XKR4: variants seen among roughly 807,000 people sequenced by gnomAD.
The protein encoded by XKR4 is XK-related protein 4.
XKR4 carries 12 observed loss-of-function variants against 53.9 expected under a neutral mutation model. The ratio of observed to expected loss-of-function variants is 0.22; its 90% CI spans 0.14 to 0.36. XKR4 has a LOEUF of 0.36. Among genes scored for constraint, XKR4 ranks in the 10% least tolerant of loss-of-function variants. The probability of loss-of-function intolerance (pLI) is 1.00; values close to 1 mark genes in which losing one functional copy is unlikely to be tolerated. For synonymous variants in XKR4, 354 were observed against 362.4 expected (o/e 0.98, Z 0.26); for missense variants, 799 against 859.5 (o/e 0.93, Z 0.88).
intron 1 of XKR4, among the ~76,000 whole-genome samples, chr8:55,146,869 C>G (rs1164774916): frequency 6.6e-6 from 1 of 152,202 alleles, no homozygotes; most frequent in Non-Finnish European, 1.5e-5. Flanking sequence ...TACAGATGCC[C>G]TTTGGGTAGG....
chr8:55,284,624 G>T (rs1436144535), intron 1 of XKR4, among the ~76,000 whole-genome samples: 1 of 152,172 alleles, frequency 6.6e-6, no homozygotes, highest in Non-Finnish European at 1.5e-5. Flanking sequence ...TTGAGAGAGA[G>T]AGAGCCCAAT....
intron 2 of XKR4, among the ~76,000 whole-genome samples, chr8:55,373,214 G>A (rs1195922506): frequency 4.6e-5 from 7 of 151,876 alleles, no homozygotes; most frequent in Admixed American, 2.6e-4. Flanking sequence ...TCGTCTAGTC[G>A]GGAGTACAGT....
At chr8:55,312,705 G>A (rs1318734973) in intron 1 of XKR4, among the ~76,000 whole-genome samples, 1 of 152,132 alleles carries the variant, frequency 6.6e-6, no homozygotes, top group East Asian at 1.9e-4. Context: ...CTCTTTTCAT[G>A]AATTTTATGA....
chr8:55,524,454 T>C lies in XKR4; in HGVS notation c.*227T>C, dbSNP rs1472683284. On this transcript the variant is annotated 3_prime_UTR_variant, in exon 3 of 3. Transcript: ENST00000327381. Reference sequence around the variant, plus strand: ...ACCTGAAAGAATGACGCTGGCTTAATAGGACTCTCCATTGCTACCAAACTC... The same window carrying C: ...ACCTGAAAGAATGACGCTGGCTTAACAGGACTCTCCATTGCTACCAAACTC... The C allele has an allele frequency of 8.8e-6, 5 of 569,962 alleles. No homozygotes were observed. Among genetic ancestry groups the C allele is most frequent in the African/African-American group, 1.9e-5 (1 of 53,494 alleles). The allele number at this position is 569,962 out of a possible 1,614,324, so 35.3% of individuals were successfully genotyped here.
At chr8:55,399,112 A>T (rs1804562287) in intron 2 of XKR4, among the ~76,000 whole-genome samples, 2 of 152,232 alleles carry the variant, frequency 1.3e-5, no homozygotes, top group Non-Finnish European at 2.9e-5. Flanking sequence ...TTTATCACAA[A>T]GAAAAAGATT....
At chr8:55,349,366 C>G (rs887219497) in intron 1 of XKR4, among the ~76,000 whole-genome samples, 1 of 152,152 alleles carries the variant, frequency 6.6e-6, no homozygotes, top group African/African-American at 2.4e-5. Context: ...ATAATGCAAG[C>G]TGGACAGATG....
At chr8:55,386,316 G>A (rs1161872689) in intron 2 of XKR4, among the ~76,000 whole-genome samples, 1 of 152,196 alleles carries the variant, frequency 6.6e-6, no homozygotes, top group Non-Finnish European at 1.5e-5. Context: ...GATGCAGCAA[G>A]CCTGAGAGTC....
At chr8:55,209,319 G>A (rs574369847) in intron 1 of XKR4, among the ~76,000 whole-genome samples, 4 of 152,030 alleles carry the variant, frequency 2.6e-5, no homozygotes, top group South Asian at 2.1e-4. Context: ...TGCTGTCCTC[G>A]TTCCCATTTT....
At chr8:55,404,620 A>G (rs1313620596) in intron 2 of XKR4, among the ~76,000 whole-genome samples, 1 of 152,222 alleles carries the variant, frequency 6.6e-6, no homozygotes, top group African/African-American at 2.4e-5. Context: ...AATTTCTGTG[A>G]TCTATAAATA....
Position 55,524,615 on chromosome 8 carries a change from C to A in XKR4, c.*388C>A, listed in dbSNP as rs183622211. 6.0e-3 allele frequency: 1,056 copies of A among 175,796 alleles called. 3 individuals carry two copies. Among genetic ancestry groups the A allele is most frequent in the Middle Eastern group, 0.01 (4 of 388 alleles). 10.9% of individuals were successfully genotyped at this position (175,796 alleles called of 1,614,324 possible). On this transcript the variant is annotated 3_prime_UTR_variant, in exon 3 of 3. Transcript: ENST00000327381. ...AGATTCAGTCATACACACATACACA[C>A]ACTAACACACATAAGTTACACCAGT...
chr8:55,413,917 A>T (rs1258298709), intron 2 of XKR4, among the ~76,000 whole-genome samples: 1 of 152,240 alleles, frequency 6.6e-6, no homozygotes, highest in Non-Finnish European at 1.5e-5. Context: ...ACAGTCTGTT[A>T]ATTGCCAATG....
At chr8:55,398,251 A>G (rs1454151073) in intron 2 of XKR4, among the ~76,000 whole-genome samples, 1 of 152,122 alleles carries the variant, frequency 6.6e-6, no homozygotes, top group East Asian at 1.9e-4. Flanking sequence ...CCCCAGAGCA[A>G]CTTTAGAGAG....
intron 2 of XKR4, among the ~76,000 whole-genome samples, chr8:55,501,685 CAT>C (rs35759515): frequency 0.58 from 87,814 of 150,648 alleles, 26,444 homozygotes; most frequent in East Asian, 0.86. Context: ...TAAATACATA[CAT>C]ATATATATAT....
intron 2 of XKR4, among the ~76,000 whole-genome samples, chr8:55,406,931 A>G (rs1167977864): frequency 1.2e-4 from 18 of 152,248 alleles, no homozygotes; most frequent in Admixed American, 2.6e-4. Context: ...CAATAAGTAC[A>G]TTGTTGGAAC....
chr8:55,204,079 T>G (rs929695443), intron 1 of XKR4, among the ~76,000 whole-genome samples: 16 of 152,268 alleles, frequency 1.1e-4, no homozygotes, highest in South Asian at 6.2e-4. Context: ...GGTGTAATCA[T>G]AGCTCACTGC....
intron 2 of XKR4, among the ~76,000 whole-genome samples, chr8:55,500,902 T>C (rs985086860): frequency 2.0e-5 from 3 of 152,234 alleles, no homozygotes; most frequent in African/African-American, 7.2e-5. Flanking sequence ...TTTGCCATTA[T>C]ACACACATGC....
In XKR4 at chr8:55,304,671, C is replaced by G. The variant is rs976550184; in HGVS notation, c.807-53007C>G. ...GTCACTAAGGACTTGCTTTATGAAT[C>G]TTGGTGCTTCTGTATTGGGTGCATA... On this transcript the variant is annotated intron_variant, in intron 1 of 2. Transcript: ENST00000327381. Among the ~76,000 whole-genome samples the G allele has an allele frequency of 2.6e-5, 4 of 152,222 alleles. No individual in the cohort carries two copies. The East Asian group carries it at 7.8e-4, about 30-fold the overall frequency.
intron 1 of XKR4, among the ~76,000 whole-genome samples, chr8:55,129,114 A>T (rs943073832): frequency 3.3e-5 from 5 of 152,232 alleles, no homozygotes; most frequent in Admixed American, 1.3e-4. Context: ...AATATTTTTC[A>T]TAAAGTTTTT....
At chr8:55,355,111 T>G (rs1803779561) in intron 1 of XKR4, among the ~76,000 whole-genome samples, 1 of 151,768 alleles carries the variant, frequency 6.6e-6, no homozygotes, top group African/African-American at 2.4e-5. Flanking sequence ...ATCATATTGG[T>G]CAGGCTGGTC....
Sources: gnomAD v4.1 joint callset for allele counts (sites outside exome capture counted in the v4.1 genomes callset) on GRCh38, gnomAD v4.1.1 for gene constraint, MANE v1.5 for transcripts, NCBI Gene and HGNC (gene_info 2026-07-23, HGNC 2026-07-21) for gene names.